The following PDE1C variants were observed in gnomAD, a reference collection of about 807,000 sequenced individuals.
PDE1C encodes the protein phosphodiesterase 1C.
Under a neutral mutation model 93.1 loss-of-function variants are expected in PDE1C, and 62 were observed. The observed-to-expected ratio is 0.67, with a 90% CI of 0.54 to 0.82. The LOEUF is 0.82. Ranked by LOEUF, PDE1C falls within the 40% of genes least tolerant of loss-of-function variation. The probability of loss-of-function intolerance (pLI) is 0.00; values close to 1 mark genes in which losing one functional copy is unlikely to be tolerated. For synonymous variants in PDE1C, 325 were observed against 310.1 expected, an observed-to-expected ratio of 1.05 and a Z score of -0.50; for missense variants, 742 against 884.6, an observed-to-expected ratio of 0.84 and a Z score of 2.04.
chr7:32,399,825 C>A (rs1439192663), intron 1 of PDE1C, among the ~76,000 whole-genome samples: 1 of 151,818 alleles, frequency 6.6e-6, no homozygotes, highest in Non-Finnish European at 1.5e-5. Flanking sequence ...CTCAAGCAAT[C>A]CTCCCATTTC....
At chr7:31,703,556 G>C in the PDE1C span, among the ~76,000 whole-genome samples, 1 of 152,190 alleles carries the variant, frequency 6.6e-6, no homozygotes, top group East Asian at 1.9e-4. Context: ...TGTGATTCTA[G>C]CTTTCATTAC....
intron 1 of PDE1C, among the ~76,000 whole-genome samples, chr7:32,244,411 C>A (rs1185606385): frequency 1.3e-5 from 2 of 152,210 alleles, no homozygotes; most frequent in African/African-American, 4.8e-5. Context: ...TATTCCAGAA[C>A]CAACTGCCCT....
intron 7 of PDE1C, among the ~76,000 whole-genome samples, chr7:31,853,622 T>C (rs548246048): frequency 6.6e-6 from 1 of 152,246 alleles, no homozygotes; most frequent in South Asian, 2.1e-4. Flanking sequence ...AAGAGAGTCA[T>C]GCCATCAGCT....
intron 2 of PDE1C, among the ~76,000 whole-genome samples, chr7:32,034,252 A>C (rs1790737965): frequency 6.6e-6 from 1 of 152,112 alleles, no homozygotes; most frequent in Admixed American, 6.6e-5. Context: ...TGAGGAAGAA[A>C]TTAAGCCCTC....
chr7:32,407,614 G>A (rs430356), intron 1 of PDE1C, among the ~76,000 whole-genome samples: 47,167 of 152,010 alleles, frequency 0.31, 7,636 homozygotes, highest in South Asian at 0.51. Context: ...TGAGAGAGCC[G>A]GTGTGTTTTC....
intron 1 of PDE1C, among the ~76,000 whole-genome samples, chr7:32,323,640 G>C (rs1234930028): frequency 1.3e-5 from 2 of 152,184 alleles, no homozygotes; most frequent in Non-Finnish European, 2.9e-5. Context: ...CCAAGTCAAA[G>C]AGCCAGGAGG....
At chr7:31,621,441 G>A in the PDE1C span, among the ~76,000 whole-genome samples, 1 of 100,250 alleles carries the variant, frequency 1.0e-5, no homozygotes, top group East Asian at 3.0e-4. Flanking sequence ...AAGAGAGTGG[G>A]GGCCAATATT....
chr7:32,375,231 T>C (rs549951860), intron 1 of PDE1C, among the ~76,000 whole-genome samples: 1 of 152,294 alleles, frequency 6.6e-6, no homozygotes, highest in Non-Finnish European at 1.5e-5. Flanking sequence ...TCAAGGACCC[T>C]GCCAGCCTCA....
chr7:32,108,734 GC>G (rs1798482759), intron 3 of PDE1C, among the ~76,000 whole-genome samples: 1 of 152,178 alleles, frequency 6.6e-6, no homozygotes, highest in Admixed American at 6.5e-5. Context: ...GGAAAATCTA[GC>G]CATGGTTTCC....
At chr7:32,259,054 T>A (rs1020481085) in intron 1 of PDE1C, among the ~76,000 whole-genome samples, 1 of 152,188 alleles carries the variant, frequency 6.6e-6, no homozygotes, top group Admixed American at 6.5e-5. Flanking sequence ...TTGCACATGG[T>A]AGAACATGAG....
At chr7:32,202,442 G>A (rs1397984718) in intron 2 of PDE1C, among the ~76,000 whole-genome samples, 1 of 152,192 alleles carries the variant, frequency 6.6e-6, no homozygotes, top group Non-Finnish European at 1.5e-5. Flanking sequence ...CCCCATGACA[G>A]GGATGTCATA....
chr7:32,296,310 T>G (rs936997533), intron 1 of PDE1C, among the ~76,000 whole-genome samples: 3 of 152,234 alleles, frequency 2.0e-5, no homozygotes, highest in African/African-American at 7.2e-5. Flanking sequence ...GAATACAAAT[T>G]CCTTGAACAC....
At chr7:32,267,997 AAAAGTC>A in intron 1 of PDE1C, among the ~76,000 whole-genome samples, 1 of 152,210 alleles carries the variant, frequency 6.6e-6, no homozygotes, top group Middle Eastern at 3.2e-3. Context: ...TTGGTGAAGG[AAAAGTC>A]AGGCTGGCAC....
chr7:31,651,968 G>A, the PDE1C span: 1,567 of 1,603,210 alleles, frequency 9.8e-4, 13 homozygotes, highest in African/African-American at 0.018. Context: ...CAAACGTTAC[G>A]TGAGGCCCTG....
chr7:32,150,654 T>C (rs1801185830), intron 3 of PDE1C, among the ~76,000 whole-genome samples: 1 of 152,158 alleles, frequency 6.6e-6, no homozygotes, highest in Admixed American at 6.5e-5. Context: ...TAAGTAAACA[T>C]GACAAGTTAC....
At chr7:32,381,260 T>C (rs1374006576) in intron 1 of PDE1C, among the ~76,000 whole-genome samples, 2 of 151,858 alleles carry the variant, frequency 1.3e-5, no homozygotes, top group Non-Finnish European at 2.9e-5. Context: ...GGCTGTGCTA[T>C]TGCAATAGCA....
At chr7:32,112,840 GTGTGTGTATATATATATATA>G (rs1010645684) in intron 3 of PDE1C, among the ~76,000 whole-genome samples, 13 of 53,674 alleles carry the variant, frequency 2.4e-4, no homozygotes, top group African/African-American at 1.2e-3. Flanking sequence ...GTGTGTGTGT[GTGTGTGTATATATATATATA>G]TATATATATA....
chr7:31,703,150 G>T, the PDE1C span, among the ~76,000 whole-genome samples: 6 of 152,188 alleles, frequency 3.9e-5, no homozygotes, highest in African/African-American at 1.4e-4. Context: ...TAAACTACTT[G>T]GCAGAGCTCT....
At chr7:31,930,848 CAAAAAAAAAAAAA>C (rs56394903) in intron 2 of PDE1C, among the ~76,000 whole-genome samples, 1 of 32,638 alleles carries the variant, frequency 3.1e-5, no homozygotes. Flanking sequence ...GACTCTGTCT[CAAAAAAAAAAAAA>C]AAAAAAAAAA....
Sources: gnomAD v4.1 joint callset for allele counts (sites outside exome capture counted in the v4.1 genomes callset) on GRCh38, gnomAD v4.1.1 for gene constraint, MANE v1.5 for transcripts, NCBI Gene and HGNC (gene_info 2026-07-23, HGNC 2026-07-21) for gene names.